The following MYO1E variants were observed in gnomAD, a reference collection of about 807,000 sequenced individuals.
MYO1E encodes the protein unconventional myosin-Ie.
In MYO1E, 68 loss-of-function variants were observed where a neutral mutation model predicts 151.1. That is an observed-to-expected ratio of 0.45 (90% CI 0.37 to 0.55). MYO1E has a LOEUF of 0.55. Ranked by LOEUF, MYO1E falls within the 20% of genes least tolerant of loss-of-function variation. The pLI, the probability that MYO1E is intolerant of heterozygous loss-of-function variation, is 0.00. For synonymous variants in MYO1E, 601 were observed against 501.7 expected (o/e 1.20, Z -2.64); for missense variants, 1,363 against 1,389.3 (o/e 0.98, Z 0.30).
chr15:59,212,070 G>A (rs931910875), intron 12 of MYO1E, among the ~76,000 whole-genome samples: 1 of 152,018 alleles, frequency 6.6e-6, no homozygotes, highest in African/African-American at 2.4e-5. Flanking sequence ...TCTCAGCCAT[G>A]CCCTGCAAGT....
intron 15 of MYO1E, among the ~76,000 whole-genome samples, chr15:59,204,504 G>T (rs193265990): frequency 6.6e-6 from 1 of 152,310 alleles, no homozygotes; most frequent in East Asian, 1.9e-4. Context: ...GATCTGGCAT[G>T]CATGGGCCTT....
intron 1 of MYO1E, among the ~76,000 whole-genome samples, chr15:59,301,078 GGCT>G (rs1321070699): frequency 6.6e-6 from 1 of 151,918 alleles, no homozygotes; most frequent in South Asian, 2.1e-4. Flanking sequence ...ATGTTGGCCA[GGCT>G]GGTCTTGAAA....
intron 4 of MYO1E, among the ~76,000 whole-genome samples, chr15:59,251,406 G>T (rs1357263096): frequency 2.0e-5 from 3 of 152,078 alleles, no homozygotes; most frequent in African/African-American, 7.2e-5. Flanking sequence ...GCAGTAATAG[G>T]GCAATTGTGG....
At chr15:59,344,793 G>A (rs538663830) in intron 1 of MYO1E, among the ~76,000 whole-genome samples, 73 of 152,244 alleles carry the variant, frequency 4.8e-4, no homozygotes, top group African/African-American at 1.8e-3. Context: ...GGCCCACGGG[G>A]AGTGCTGCCA....
At chr15:59,202,502 A>G in intron 15 of MYO1E, 95 bp from the exon 16 acceptor site, 1 of 1,120,730 alleles carries the variant, frequency 8.9e-7, no homozygotes, top group Non-Finnish European at 1.4e-6. Context: ...GGCCGTCCCC[A>G]GGCACATAAC....
chr15:59,214,309 A>G lies in MYO1E; in HGVS notation c.1194T>C (p.Asn398=). The G allele has an allele frequency of 6.2e-7, 1 of 1,607,990 alleles. No individual in the cohort carries two copies. Among genetic ancestry groups the G allele is most frequent in the Non-Finnish European group, 8.5e-7 (1 of 1,176,316 alleles). Residue 398 remains asparagine (N), a synonymous_variant, in exon 12 of 28, where the codon AAT becomes AAC. Coordinates refer to ENST00000288235, the MANE Select transcript of MYO1E (RefSeq NM_004998.4). ...DIYGFEIFQK[N]GFEQFCINFV... The stretch of plus-strand genomic sequence containing the variant: ...AATTGATACAAAACTGTTCAAAGCC[A>G]TTTTTCTGGAAAAAAAAAGTTATTC...
intron 1 of MYO1E, among the ~76,000 whole-genome samples, chr15:59,369,002 T>A (rs2080930134): frequency 6.6e-6 from 1 of 152,242 alleles, no homozygotes; most frequent in Non-Finnish European, 1.5e-5. Flanking sequence ...TCAAAACTTT[T>A]TTTGTGCTTG....
At chr15:59,200,199 C>T (rs1489759633) in intron 16 of MYO1E, among the ~76,000 whole-genome samples, 3 of 152,238 alleles carry the variant, frequency 2.0e-5, no homozygotes, top group Non-Finnish European at 4.4e-5. Flanking sequence ...TAATCCAGAC[C>T]ACTTGAAAAT....
intron 10 of MYO1E, among the ~76,000 whole-genome samples, chr15:59,216,594 G>GTATCTATCTATCTATCTATCTATCTATC (rs1290267352): frequency 1.0e-5 from 1 of 100,468 alleles, no homozygotes; most frequent in African/African-American, 3.7e-5. Flanking sequence ...GTGTGTGTGT[G>GTATCTATCTATCTATCTATCTATCTATC]TATCTATCTA....
intron 1 of MYO1E, among the ~76,000 whole-genome samples, chr15:59,351,588 C>T (rs980844288): frequency 3.9e-5 from 6 of 152,132 alleles, no homozygotes; most frequent in African/African-American, 1.2e-4. Context: ...AAGATGATTG[C>T]GCTGATGCTA....
At chr15:59,194,209 A>G (rs180683607) in intron 17 of MYO1E, among the ~76,000 whole-genome samples, 4 of 152,226 alleles carry the variant, frequency 2.6e-5, no homozygotes, top group Admixed American at 6.5e-5. Flanking sequence ...ATATGCATCT[A>G]TGGATGAGAT....
chr15:59,358,851 T>A (rs1205687416), intron 1 of MYO1E, among the ~76,000 whole-genome samples: 1 of 152,204 alleles, frequency 6.6e-6, no homozygotes, highest in Non-Finnish European at 1.5e-5. Flanking sequence ...TTTACGACCA[T>A]AATTCCTGAA....
At position 59,245,061 on chromosome 15, in the gene MYO1E, G is replaced by A. The variant is rs572451787; in HGVS notation, c.333-8389C>T. Among the ~76,000 whole-genome samples, 179 of 152,308 alleles carry A rather than the reference G, an allele frequency of 1.2e-3. 1 individual carries two copies. The Middle Eastern group carries it at 0.017, about 14-fold the overall frequency. On this transcript the variant is annotated intron_variant, in intron 4 of 27. Transcript: ENST00000288235. ...ATAGTCAGAGGTATGGGCTGACAGG[G>A]CCTCCCAAAGCCAGGCCAGGGGGAT...
intron 4 of MYO1E, among the ~76,000 whole-genome samples, chr15:59,241,679 C>G (rs757697683): frequency 2.6e-5 from 4 of 151,420 alleles, no homozygotes; most frequent in African/African-American, 9.7e-5. Context: ...ACTCCAGCCT[C>G]GGTGACAGAG....
rs1301548766 is a variant in MYO1E at position 59,216,643 on chromosome 15, A to AGTGTGTGTGTGTGT, written c.1107+1234_1107+1247dup. Among the ~76,000 whole-genome samples, 72 of 43,474 alleles carry AGTGTGTGTGTGTGT rather than the reference A, an allele frequency of 1.7e-3. 10 individuals carry two copies. The highest frequency in any genetic ancestry group is 3.5e-3 in the Admixed American group (17 of 4,916). The allele number at this position is 43,474 out of a possible 152,430, so 28.5% of individuals were successfully genotyped here. On this transcript the variant is annotated intron_variant, in intron 10 of 27. Coordinates refer to ENST00000288235, the MANE Select transcript of MYO1E (RefSeq NM_004998.4). ...CTATCTTTTGGATCGAAGGGCCCCC[A>AGTGTGTGTGTGTGT]GTGTGTGTGTGTGTGTGTATGTGTA...
In MYO1E at chr15:59,268,720, A is replaced by ATTTTTTTTTTTTTTTT. The variant is rs398027512; in HGVS notation, c.147+3570_147+3585dup. Among the ~76,000 whole-genome samples, 90 of 44,904 alleles carry ATTTTTTTTTTTTTTTT rather than the reference A, an allele frequency of 2.0e-3. 21 individuals are homozygous for ATTTTTTTTTTTTTTTT. The highest frequency in any genetic ancestry group is 3.2e-3 in the African/African-American group (56 of 17,234). The allele number at this position is 44,904 out of a possible 152,430, so 29.5% of individuals were successfully genotyped here. A position where few individuals can be genotyped will look rare whatever the true frequency, so the allele number is the denominator to read the frequency against. On this transcript the variant is annotated intron_variant, in intron 2 of 27. Coordinates refer to ENST00000288235, the MANE Select transcript of MYO1E (RefSeq NM_004998.4). The stretch of plus-strand genomic sequence containing the variant: ...GTGATGGGTTCTGGGTGACTTTGGT[A>ATTTTTTTTTTTTTTTT]TTTTTTTTTTTTTTTTTTTTTGCTT...
intron 1 of MYO1E, among the ~76,000 whole-genome samples, chr15:59,338,692 A>G (rs2080745178): frequency 6.6e-6 from 1 of 151,980 alleles, no homozygotes; most frequent in South Asian, 2.1e-4. Flanking sequence ...CAGGAGGAGC[A>G]AGGTCCTTGA....
chr15:59,289,071 T>C (rs1358782376), intron 1 of MYO1E, among the ~76,000 whole-genome samples: 1 of 152,174 alleles, frequency 6.6e-6, no homozygotes, highest in Non-Finnish European at 1.5e-5. Flanking sequence ...AACTTTTACT[T>C]TACAGATGAG....
At chr15:59,208,225 C>A in intron 14 of MYO1E, 1 of 768,328 alleles carries the variant, frequency 1.3e-6, no homozygotes, top group Non-Finnish European at 2.0e-6. Flanking sequence ...TTATTTAGTC[C>A]TCCAGCTCTT....
Sources: gnomAD v4.1 joint callset for allele counts (sites outside exome capture counted in the v4.1 genomes callset) on GRCh38, gnomAD v4.1.1 for gene constraint, MANE v1.5 for transcripts, NCBI Gene and HGNC (gene_info 2026-07-23, HGNC 2026-07-21) for gene names.